Variants in DNA2 observed in about 807,000 individuals in gnomAD.
DNA2 encodes the protein DNA replication helicase/nuclease 2, also known as DNA replication ATP-dependent helicase/nuclease DNA2.
A neutral mutation model predicts 119.1 loss-of-function variants in DNA2; 101 were observed. The observed-to-expected ratio is 0.85, with a 90% CI of 0.72 to 1.00. DNA2 has a LOEUF of 1.00. Among genes scored for constraint, DNA2 ranks in the 50% least tolerant of loss-of-function variants. The pLI, the probability that DNA2 is intolerant of heterozygous loss-of-function variation, is 0.00. For synonymous variants in DNA2, 366 were observed against 424.4 expected (o/e 0.86, Z 1.69); for missense variants, 1,121 against 1,255.5 (o/e 0.89, Z 1.62).
rs1297520350 is a variant in DNA2 at position 68,432,563 on chromosome 10, A to T, written c.1647-53T>A. On this transcript the variant is annotated intron_variant, in intron 10 of 20. Coordinates refer to ENST00000358410, the MANE Select transcript of DNA2 (RefSeq NM_001080449.3). ...ATGCTCGCCATTTCGCATAGTCTGT[A>T]TAAGAAATATGCTGCTATCTGCTAA... is the stretch of plus-strand genomic sequence containing the variant. The T allele has an allele frequency of 4.1e-6, 4 of 975,384 alleles. No homozygotes were observed. The East Asian group carries it at 7.8e-5, about 19-fold the overall frequency. The allele number at this position is 975,384 out of a possible 1,614,324, so 60.4% of individuals were successfully genotyped here.
rs2051559621 is a variant in DNA2 at position 68,414,174 on chromosome 10, C to G, written c.*865G>C. On this transcript the variant is annotated 3_prime_UTR_variant, in exon 21 of 21. Transcript: ENST00000358410. ...TATTTAACACTCATTAAAAAAAACC[C>G]TCAAGAGAAATGGAAGATTTCCAAG... The G allele has an allele frequency of 6.6e-6, 1 of 150,910 alleles. No individual in the cohort carries two copies. Among genetic ancestry groups the G allele is most frequent in the South Asian group, 2.1e-4 (1 of 4,772 alleles). The allele number at this position is 150,910 out of a possible 1,614,324, so 9.3% of individuals were successfully genotyped here.
At chr10:68,457,704 T>C (rs10998195) in intron 5 of DNA2, among the ~76,000 whole-genome samples, 14,260 of 150,428 alleles carry the variant, frequency 0.095, 933 homozygotes, top group South Asian at 0.24. Context: ...AAAAACATAT[T>C]TCCCCTATAA....
At chr10:68,435,815 A>G (rs993273115) in intron 10 of DNA2, among the ~76,000 whole-genome samples, 1 of 152,178 alleles carries the variant, frequency 6.6e-6, no homozygotes, top group African/African-American at 2.4e-5. Flanking sequence ...TTATATCACA[A>G]CTATAAATGG....
At chr10:68,465,963 T>A (rs1397849651) in intron 3 of DNA2, among the ~76,000 whole-genome samples, 151 bp from the exon 4 acceptor site, 1 of 152,194 alleles carries the variant, frequency 6.6e-6, no homozygotes, top group African/African-American at 2.4e-5. Flanking sequence ...TGCGTGGAAT[T>A]ATAAGTGACT....
intron 14 of DNA2, among the ~76,000 whole-genome samples, chr10:68,428,893 T>G (rs1227413060): frequency 6.6e-6 from 1 of 152,158 alleles, no homozygotes; most frequent in Non-Finnish European, 1.5e-5. Flanking sequence ...ACTGTATCAA[T>G]GTCAACATCC....
intron 9 of DNA2, 68 bp from the exon 10 acceptor site, chr10:68,437,309 T>A: frequency 7.7e-7 from 1 of 1,306,732 alleles, no homozygotes; most frequent in Non-Finnish European, 1.1e-6. Context: ...GTCTGCATTT[T>A]CCTACAACTT....
At chr10:68,416,958 A>C (rs2051596990) in intron 19 of DNA2, 103 bp from the exon 20 acceptor site, 2 of 1,029,474 alleles carry the variant, frequency 1.9e-6, no homozygotes, top group Non-Finnish European at 2.8e-6. Context: ...TAAGAATAGA[A>C]TGAGGCCAGG....
chr10:68,469,824 G>A (rs2133452284), intron 2 of DNA2, among the ~76,000 whole-genome samples, 157 bp downstream of exon 2: 1 of 152,182 alleles, frequency 6.6e-6, no homozygotes, highest in East Asian at 1.9e-4. Flanking sequence ...TGAGATACAG[G>A]AGTAATAGAT....
At chr10:68,455,957 C>T (rs1242232945) in intron 5 of DNA2, among the ~76,000 whole-genome samples, 2 of 152,164 alleles carry the variant, frequency 1.3e-5, no homozygotes, top group African/African-American at 2.4e-5. Flanking sequence ...GTGGCTCACG[C>T]CTGTAACCCT....
chr10:68,429,056 C>G (rs1365947878), intron 14 of DNA2, among the ~76,000 whole-genome samples: 1 of 152,108 alleles, frequency 6.6e-6, no homozygotes, highest in African/African-American at 2.4e-5. Context: ...AGATATACAT[C>G]TTAGCCAGTT....
intron 14 of DNA2, among the ~76,000 whole-genome samples, chr10:68,428,774 G>A (rs1449995532): frequency 6.6e-6 from 1 of 152,188 alleles, no homozygotes; most frequent in Non-Finnish European, 1.5e-5. Context: ...TCGAAATGGA[G>A]ATCAGAGTCT....
intron 10 of DNA2, among the ~76,000 whole-genome samples, chr10:68,436,095 T>C (rs2133385197): frequency 6.6e-6 from 1 of 152,230 alleles, no homozygotes; most frequent in Admixed American, 6.5e-5. Flanking sequence ...AAAATGAAAG[T>C]ATGTCTACCT....
At chr10:68,466,534 A>G (rs1324507185) in intron 3 of DNA2, among the ~76,000 whole-genome samples, 1 of 152,022 alleles carries the variant, frequency 6.6e-6, no homozygotes, top group African/African-American at 2.4e-5. Context: ...TCTCCACTCA[A>G]AAAGAAACAC....
intron 13 of DNA2, among the ~76,000 whole-genome samples, chr10:68,431,527 C>T (rs747455168): frequency 2.0e-5 from 3 of 152,142 alleles, no homozygotes; most frequent in Non-Finnish European, 4.4e-5. Context: ...TCAAGTGATC[C>T]GCCCGCCTTG....
intron 8 of DNA2, among the ~76,000 whole-genome samples, chr10:68,443,328 C>A (rs1044696564): frequency 6.6e-6 from 1 of 152,146 alleles, no homozygotes; most frequent in Non-Finnish European, 1.5e-5. Context: ...TTGCCTTCAG[C>A]GACTATCCCC....
At chr10:68,456,091 G>A (rs536940638) in intron 5 of DNA2, among the ~76,000 whole-genome samples, 50 of 151,768 alleles carry the variant, frequency 3.3e-4, no homozygotes, top group Admixed American at 1.8e-3. Context: ...GCAAAGTGGT[G>A]TGCACCTGTA....
At chr10:68,472,071 G>A (rs1269785968), upstream of DNA2, 35 of 1,586,250 alleles carry the variant, frequency 2.2e-5, no homozygotes, top group Non-Finnish European at 2.9e-5. Flanking sequence ...GCAGGGCTCT[G>A]TCCCCTGCCT....
In DNA2 at chr10:68,450,112, A is replaced by G; in HGVS notation, c.855T>C (p.His285=). The change falls in exon 6 of 21, where the codon CAT becomes CAC. Residue 285 remains histidine (H), a synonymous_variant. Coordinates refer to ENST00000358410, the MANE Select transcript of DNA2 (RefSeq NM_001080449.3). ...TCTTGTATTTTGTTTTATACCCTCG[A>G]TGTATTTTCACACCAACTGTAACAT... is the stretch of plus-strand genomic sequence containing the variant. ...KIDVTVGVKI[H]RGYKTKYKIM... is the part of the protein sequence containing the mutation. 6.2e-7 allele frequency: 1 copy of G among 1,605,224 alleles called. No homozygotes were observed.
At chr10:68,431,132 C>T (rs1308327257) in intron 13 of DNA2, among the ~76,000 whole-genome samples, 28 of 151,566 alleles carry the variant, frequency 1.8e-4, no homozygotes. Context: ...ATACCAATCC[C>T]CCTGACTTGG....
Sources: gnomAD v4.1 joint callset for allele counts (sites outside exome capture counted in the v4.1 genomes callset) on GRCh38, gnomAD v4.1.1 for gene constraint, MANE v1.5 for transcripts, NCBI Gene and HGNC (gene_info 2026-07-23, HGNC 2026-07-21) for gene names.